The following UBXN8 variants were observed in gnomAD, a reference collection of about 807,000 sequenced individuals.
UBXN8 encodes the protein UBX domain-containing protein 8.
UBXN8 carries 27 observed loss-of-function variants against 32.1 expected under a neutral mutation model. The observed-to-expected ratio is 0.84, with a 90% CI of 0.62 to 1.16. UBXN8 has a LOEUF of 1.16. Ranked by LOEUF, UBXN8 falls within the 50% of genes most tolerant of loss-of-function variation. The probability of loss-of-function intolerance (pLI) is 0.00; values close to 1 mark genes in which losing one functional copy is unlikely to be tolerated. For synonymous variants in UBXN8, 109 were observed against 111.8 expected (o/e 0.98, Z 0.16); for missense variants, 306 against 311.4 (o/e 0.98, Z 0.13).
At chr8:30,752,330 G>A (rs1345904658) in intron 2 of UBXN8, among the ~76,000 whole-genome samples, 1 of 151,818 alleles carries the variant, frequency 6.6e-6, no homozygotes, top group Non-Finnish European at 1.5e-5. Flanking sequence ...TTTAATTTGA[G>A]ACAGAGTCCC....
At chr8:30,748,589 AG>A (rs1304576192) in intron 1 of UBXN8, among the ~76,000 whole-genome samples, 3 of 151,382 alleles carry the variant, frequency 2.0e-5, no homozygotes, top group Non-Finnish European at 4.4e-5. Flanking sequence ...TGCCCAGGCT[AG>A]AGTGCAATGG....
At chr8:30,758,925 G>A (rs13275930) in intron 5 of UBXN8, among the ~76,000 whole-genome samples, 97,636 of 132,518 alleles carry the variant, frequency 0.74, 37,102 homozygotes, top group East Asian at 0.86. Flanking sequence ...ACGGAGTCTC[G>A]CTTTGTCACC....
intron 2 of UBXN8, among the ~76,000 whole-genome samples, 166 bp downstream of exon 2, chr8:30,751,684 T>A (rs1805527744): frequency 6.6e-6 from 1 of 152,166 alleles, no homozygotes; most frequent in East Asian, 1.9e-4. Context: ...TTTTTAAACA[T>A]TAGTGATGAT....
Position 30,756,219 on chromosome 8 carries a change from C to CA in UBXN8, c.406-544dup, listed in dbSNP as rs532140478. On this transcript the variant is annotated intron_variant, in intron 4 of 7. Coordinates refer to ENST00000265616, the MANE Select transcript of UBXN8 (RefSeq NM_005671.4). ...GCAGTGGTGCGATCTCAGCTTACTGCAACCTCCGCCTCCTAGGCTCAAGTG... is the reference window on the plus strand; with the variant it reads ...GCAGTGGTGCGATCTCAGCTTACTGCAAACCTCCGCCTCCTAGGCTCAAGTG... 3.0e-4 allele frequency: 46 copies of CA among 153,898 alleles called. No individual in the cohort carries two copies. In the South Asian group the frequency reaches 9.3e-3, roughly 31 times the overall value. 9.5% of individuals were successfully genotyped at this position (153,898 alleles called of 1,614,324 possible). A position where few individuals can be genotyped will look rare whatever the true frequency, so the allele number is the denominator to read the frequency against.
At chr8:30,746,524 T>TC (rs1805363368) in intron 1 of UBXN8, among the ~76,000 whole-genome samples, 1 of 131,788 alleles carries the variant, frequency 7.6e-6, no homozygotes, top group African/African-American at 3.0e-5. Flanking sequence ...GATTTTTTTT[T>TC]TCTTTTTTTT....
chr8:30,750,943 T>C lies in UBXN8; in HGVS notation c.89-453T>C, dbSNP rs114116082. Among the ~76,000 whole-genome samples the C allele has an allele frequency of 3.3e-3, 501 of 152,302 alleles. 1 individual carries two copies. Among genetic ancestry groups the C allele is most frequent in the African/African-American group, 0.012 (488 of 41,568 alleles). ...AACAATAAAGTATAGCAACTATTTATAGAGCCTTTACATTGTATTGGGTAG... is the reference window on the plus strand; with the variant it reads ...AACAATAAAGTATAGCAACTATTTACAGAGCCTTTACATTGTATTGGGTAG... On this transcript the variant is annotated intron_variant, in intron 1 of 7. Coordinates refer to ENST00000265616, the MANE Select transcript of UBXN8 (RefSeq NM_005671.4).
At chr8:30,744,919 T>A (rs546598089) in intron 1 of UBXN8, among the ~76,000 whole-genome samples, 27 of 152,026 alleles carry the variant, frequency 1.8e-4, no homozygotes, top group Non-Finnish European at 3.5e-4. Flanking sequence ...GATAATGACG[T>A]TTATTGAACA....
intron 1 of UBXN8, among the ~76,000 whole-genome samples, chr8:30,750,444 C>G (rs2128754060): frequency 6.6e-6 from 1 of 152,156 alleles, no homozygotes; most frequent in Admixed American, 6.5e-5. Context: ...CATTGCACTC[C>G]AGCAGCCTGG....
chr8:30,747,320 T>TC (rs1185420010), intron 1 of UBXN8, among the ~76,000 whole-genome samples: 1 of 121,880 alleles, frequency 8.2e-6, no homozygotes, highest in African/African-American at 3.3e-5. Flanking sequence ...TTTTTTTTTT[T>TC]TTTTTTTTGA....
intron 1 of UBXN8, among the ~76,000 whole-genome samples, chr8:30,745,819 G>T (rs1167783261): frequency 1.3e-5 from 2 of 152,216 alleles, no homozygotes; most frequent in Non-Finnish European, 2.9e-5. Flanking sequence ...CACGGTCATG[G>T]CTTACTGTAG....
At chr8:30,736,673 G>A (rs1474699087) in intron 1 of UBXN8, among the ~76,000 whole-genome samples, 3 of 152,022 alleles carry the variant, frequency 2.0e-5, no homozygotes, top group African/African-American at 4.8e-5. Context: ...GGGTTTTACC[G>A]TGTTGGCCAG....
upstream of UBXN8, among the ~76,000 whole-genome samples, chr8:30,730,110 G>C (rs1394496579): frequency 6.6e-6 from 1 of 152,202 alleles, no homozygotes; most frequent in Non-Finnish European, 1.5e-5. Context: ...GCCTCCGCAA[G>C]ACAAACATAT....
At chr8:30,757,886 A>AT (rs769295446) in intron 5 of UBXN8, among the ~76,000 whole-genome samples, 7 of 149,800 alleles carry the variant, frequency 4.7e-5, no homozygotes, top group Admixed American at 2.0e-4. Context: ...AAGAATTGAT[A>AT]TTTTTTCTTT....
At chr8:30,756,691 AG>A (rs1805670275) in intron 4 of UBXN8, 73 bp from the exon 5 acceptor site, 3 of 1,579,942 alleles carry the variant, frequency 1.9e-6, no homozygotes, top group Non-Finnish European at 2.6e-6. Context: ...AAAAGGAAAA[AG>A]GAAAAACAAT....
rs1427464886 is a variant in UBXN8, at chr8:30,753,082, C to A, written c.259C>A (p.Gln87Lys). Residue 87 changes from glutamine (Q) to lysine (K), a missense_variant, in exon 3 of 8, where the codon CAA becomes AAA. Transcript: ENST00000265616. ...EKRQKLVRKK[Q>K]QEAQGEKASR... ...AAGACAAAAACTTGTGAGAAAAAAA[C>A]AACAAGAAGCACAAGGAGAGAAGGT... 3.9e-6 allele frequency: 6 copies of A among 1,523,524 alleles called. No individual in the cohort carries two copies. The highest frequency in any genetic ancestry group is 2.8e-5 in the African/African-American group (2 of 71,774). The allele number at this position is 1,523,524 out of a possible 1,614,324, so 94.4% of individuals were successfully genotyped here. A position where few individuals can be genotyped will look rare whatever the true frequency, so the allele number is the denominator to read the frequency against.
upstream of UBXN8, among the ~76,000 whole-genome samples, chr8:30,741,676 T>TTG (rs1266010717): frequency 1.3e-5 from 2 of 152,044 alleles, no homozygotes; most frequent in African/African-American, 4.8e-5. Flanking sequence ...GGTCACAAAC[T>TTG]TGACCTCAGG....
intron 1 of UBXN8, among the ~76,000 whole-genome samples, chr8:30,750,654 T>C (rs1005885379): frequency 1.3e-5 from 2 of 151,752 alleles, no homozygotes; most frequent in Non-Finnish European, 2.9e-5. Flanking sequence ...GCACCTGTAG[T>C]CCCAGCTACT....
At chr8:30,765,450 T>A (rs1805973582) in intron 7 of UBXN8, among the ~76,000 whole-genome samples, 1 of 151,086 alleles carries the variant, frequency 6.6e-6, no homozygotes, top group East Asian at 2.0e-4. Flanking sequence ...ATTTTTGTAT[T>A]TTTTGTAGAG....
upstream of UBXN8, among the ~76,000 whole-genome samples, chr8:30,743,645 T>C (rs1257303452): frequency 6.6e-6 from 1 of 152,150 alleles, no homozygotes; most frequent in African/African-American, 2.4e-5. Context: ...GACCTGGCAT[T>C]AGGACGTGCG....
Sources: allele counts gnomAD v4.1 joint callset (sites outside exome capture counted in the v4.1 genomes callset), GRCh38; gene constraint gnomAD v4.1.1; transcripts MANE v1.5; gene names NCBI Gene and HGNC (gene_info 2026-07-23, HGNC 2026-07-21).